THSD7B: variants seen among roughly 807,000 people sequenced by gnomAD.
The protein encoded by THSD7B is thrombospondin type-1 domain-containing protein 7B.
THSD7B carries 138 observed loss-of-function variants against 213.6 expected under a neutral mutation model. The observed-to-expected ratio is 0.65, with a 90% confidence interval of 0.56 to 0.74. The LOEUF (loss-of-function observed/expected upper bound fraction) is 0.74, where lower values mean the gene tolerates loss of function less well. THSD7B is among the 30% of genes least tolerant of loss of function. The pLI is 0.00. For missense variants in THSD7B, 1,931 were observed against 1,991.5 expected, an observed-to-expected ratio of 0.97 and a Z score of 0.58; for synonymous variants, 742 against 687.0, an observed-to-expected ratio of 1.08 and a Z score of -1.25.
chr2:136,928,391 C>T (rs1029157084), intron 2 of THSD7B, among the ~76,000 whole-genome samples: 1 of 152,154 alleles, frequency 6.6e-6, no homozygotes, highest in African/African-American at 2.4e-5. Context: ...TCAAACCATT[C>T]TAAGTTGGGA....
chr2:136,995,002 C>T (rs1685857869), intron 2 of THSD7B, among the ~76,000 whole-genome samples: 1 of 152,180 alleles, frequency 6.6e-6, no homozygotes, highest in African/African-American at 2.4e-5. Flanking sequence ...CCTGACTCTG[C>T]AGTAGTCCTA....
intron 2 of THSD7B, among the ~76,000 whole-genome samples, chr2:136,912,238 C>T (rs1684271038): frequency 7.1e-6 from 1 of 139,906 alleles, no homozygotes; most frequent in South Asian, 2.4e-4. Flanking sequence ...AGGGAAATTG[C>T]TTGAACCTGG....
intron 1 of THSD7B, among the ~76,000 whole-genome samples, chr2:136,787,127 A>G (rs914251204): frequency 6.6e-6 from 1 of 152,136 alleles, no homozygotes; most frequent in Non-Finnish European, 1.5e-5. Context: ...TAAGGAGGAG[A>G]GTCAAAATTT....
At chr2:137,162,287 G>A (rs1476824253) in intron 6 of THSD7B, among the ~76,000 whole-genome samples, 3 of 152,046 alleles carry the variant, frequency 2.0e-5, no homozygotes, top group Non-Finnish European at 4.4e-5. Flanking sequence ...TCAATTTAAG[G>A]TAGTACATAA....
intron 15 of THSD7B, among the ~76,000 whole-genome samples, chr2:137,500,474 A>G (rs1034343297): frequency 1.3e-5 from 2 of 152,218 alleles, no homozygotes; most frequent in Non-Finnish European, 2.9e-5. Context: ...TCCAGTGCCT[A>G]GAGGGTTGAC....
chr2:137,464,398 GAGA>G (rs1277962998), intron 15 of THSD7B, among the ~76,000 whole-genome samples: 8 of 152,022 alleles, frequency 5.3e-5, no homozygotes, highest in Admixed American at 2.6e-4. Flanking sequence ...GTGTTACAAA[GAGA>G]AGAAGAAGCC....
chr2:137,242,606 C>T (rs769687896), intron 10 of THSD7B, 34 bp downstream of exon 10: 3 of 1,515,744 alleles, frequency 2.0e-6, no homozygotes, highest in East Asian at 2.3e-5. Context: ...TTCTTTCTTC[C>T]CTAACCTGAT....
chr2:136,808,108 G>C, intron 1 of THSD7B, among the ~76,000 whole-genome samples: 1 of 152,164 alleles, frequency 6.6e-6, no homozygotes, highest in Non-Finnish European at 1.5e-5. Context: ...CACTCCAATA[G>C]TGAGAAGCCT....
At chr2:137,079,967 G>GGTAA (rs906934694) in intron 3 of THSD7B, among the ~76,000 whole-genome samples, 10 of 151,768 alleles carry the variant, frequency 6.6e-5, no homozygotes, top group Non-Finnish European at 1.5e-5. Context: ...AGCCTCCTGA[G>GGTAA]TTGCTGGAAT....
intron 2 of THSD7B, among the ~76,000 whole-genome samples, chr2:137,032,705 A>T (rs1686697773): frequency 1.3e-5 from 2 of 152,200 alleles, no homozygotes. Context: ...TGTATTTCTG[A>T]AAAATTGCTT....
chr2:137,565,243 T>C (rs1019890022), intron 16 of THSD7B, among the ~76,000 whole-genome samples: 2 of 152,196 alleles, frequency 1.3e-5, no homozygotes, highest in Non-Finnish European at 2.9e-5. Context: ...GTTTCAGCTC[T>C]TTTTATTTTG....
intron 17 of THSD7B, among the ~76,000 whole-genome samples, chr2:137,575,126 T>C (rs376187954): frequency 2.5e-4 from 38 of 152,228 alleles, no homozygotes; most frequent in African/African-American, 8.4e-4. Flanking sequence ...GCAAGTTATT[T>C]AAACATCTGA....
At chr2:137,038,085 T>C (rs1433758292) in intron 2 of THSD7B, among the ~76,000 whole-genome samples, 2 of 152,160 alleles carry the variant, frequency 1.3e-5, no homozygotes, top group African/African-American at 4.8e-5. Context: ...TAATCCATAG[T>C]TTTTCCTTAT....
At chr2:136,916,949 G>C (rs1573709063) in intron 2 of THSD7B, among the ~76,000 whole-genome samples, 1 of 152,046 alleles carries the variant, frequency 6.6e-6, no homozygotes, top group Non-Finnish European at 1.5e-5. Flanking sequence ...TACACAATTA[G>C]AGCCACTCAG....
At position 137,456,786 on chromosome 2, in the gene THSD7B, CAG is replaced by C. The variant is rs1414966303; in HGVS notation, c.3138+5764_3138+5765del. Among the ~76,000 whole-genome samples the C allele has an allele frequency of 8.5e-5, 13 of 152,314 alleles. No individual in the cohort carries two copies. In the South Asian group the frequency reaches 2.1e-3, roughly 24 times the overall value. ...AAGGGCTGCAGAGTGATTTATTCCT[CAG>C]GACTATTTGGGAGGATTTAATTTAG... On this transcript the variant is annotated intron_variant, in intron 15 of 27. Transcript: ENST00000409968.
Position 137,572,405 on chromosome 2 carries a change from G to C in THSD7B, c.3273-1G>C. ...AACTATCTTGTGACCTTGCTTTACA[G>C]ATGTGTGAATACTGCGGATGGTGAA... On this transcript the variant is annotated splice_acceptor_variant, in intron 16 of 27. Coordinates refer to ENST00000409968, the MANE Select transcript of THSD7B (RefSeq NM_001316349.2). LOFTEE classifies it high-confidence loss of function. 6.2e-7 allele frequency: 1 copy of C among 1,613,790 alleles called. No homozygotes were observed. Among genetic ancestry groups the C allele is most frequent in the Non-Finnish European group, 8.5e-7 (1 of 1,179,772 alleles).
chr2:137,533,060 TTATACA>T (rs1680429873), intron 15 of THSD7B, among the ~76,000 whole-genome samples: 1 of 150,824 alleles, frequency 6.6e-6, no homozygotes, highest in Admixed American at 6.6e-5. Context: ...ATAAATAATG[TTATACA>T]TATGCATAAT....
chr2:137,317,390 C>A (rs181880257), intron 12 of THSD7B, among the ~76,000 whole-genome samples: 176 of 152,314 alleles, frequency 1.2e-3, no homozygotes, highest in African/African-American at 4.1e-3. Context: ...CTGCAATTAC[C>A]TAACATGCAG....
intron 1 of THSD7B, among the ~76,000 whole-genome samples, chr2:136,869,369 G>A (rs1683393309): frequency 6.6e-6 from 1 of 152,138 alleles, no homozygotes; most frequent in Admixed American, 6.5e-5. Flanking sequence ...CTATTTAAGA[G>A]ATAACCTACT....
Sources: gnomAD v4.1 joint callset for allele counts (sites outside exome capture counted in the v4.1 genomes callset) on GRCh38, gnomAD v4.1.1 for gene constraint, MANE v1.5 for transcripts, NCBI Gene and HGNC (gene_info 2026-07-23, HGNC 2026-07-21) for gene names.